MMP26: variants seen among roughly 807,000 people sequenced by gnomAD.
MMP26 encodes matrix metallopeptidase 26.
MMP26 carries 33 observed loss-of-function variants against 31.0 expected under a neutral mutation model. The observed-to-expected ratio is 1.06, with a 90% CI of 0.81 to 1.42. The LOEUF (loss-of-function observed/expected upper bound fraction) is 1.42, where lower values mean the gene tolerates loss of function less well. Ranked by LOEUF, MMP26 falls within the 40% of genes most tolerant of loss-of-function variation. MMP26 has a pLI of 0.00. For synonymous variants in MMP26, 122 were observed against 114.9 expected, an observed-to-expected ratio of 1.06 and a Z score of -0.40; for missense variants, 347 against 316.1, an observed-to-expected ratio of 1.10 and a Z score of -0.74.
At chr11:4,718,409 T>C (rs1482662433) in intron 1 of MMP26, among the ~76,000 whole-genome samples, 1 of 152,230 alleles carries the variant, frequency 6.6e-6, no homozygotes, top group Non-Finnish European at 1.5e-5. Context: ...GAACCATTCA[T>C]TTCCTGTTTT....
intron 1 of MMP26, chr11:4,723,068 C>T: frequency 8.2e-7 from 1 of 1,216,860 alleles, no homozygotes; most frequent in Non-Finnish European, 1.2e-6. Flanking sequence ...CTCCTGGTAC[C>T]CATGCAGCTG....
intron 1 of MMP26, among the ~76,000 whole-genome samples, chr11:4,741,587 G>T (rs1160923133): frequency 7.1e-6 from 1 of 141,214 alleles, no homozygotes; most frequent in Admixed American, 7.2e-5. Flanking sequence ...TCATAAGTGG[G>T]AGTTGAACAA....
chr11:4,829,589 TG>T (rs2133479308), intron 2 of MMP26, among the ~76,000 whole-genome samples: 1 of 152,320 alleles, frequency 6.6e-6, no homozygotes, highest in Non-Finnish European at 1.5e-5. Flanking sequence ...TTAAGCATGC[TG>T]TGACCCTGGG....
At chr11:4,714,286 C>T (rs934308985) in intron 1 of MMP26, among the ~76,000 whole-genome samples, 2 of 152,134 alleles carry the variant, frequency 1.3e-5, no homozygotes, top group African/African-American at 4.8e-5. Flanking sequence ...TTTCTAGGAA[C>T]ATTCTATTCT....
intron 2 of MMP26, among the ~76,000 whole-genome samples, chr11:4,905,994 C>G (rs61880581): frequency 6.6e-6 from 1 of 151,932 alleles, no homozygotes; most frequent in Non-Finnish European, 1.5e-5. Flanking sequence ...ATTTATTTGA[C>G]TAATTTCTCT....
intron 2 of MMP26, among the ~76,000 whole-genome samples, chr11:4,817,630 A>G (rs1849439301): frequency 6.6e-6 from 1 of 152,188 alleles, no homozygotes; most frequent in Admixed American, 6.5e-5. Context: ...ACTTTTTCAT[A>G]TTTTGGGGGA....
At position 4,992,018 on chromosome 11, in the gene MMP26, A is replaced by T; in HGVS notation, c.650A>T (p.Gln217Leu). 1 of 1,613,756 alleles carries T rather than the reference A, an allele frequency of 6.2e-7. No individual in the cohort carries two copies. Among genetic ancestry groups the T allele is most frequent in the Non-Finnish European group, 8.5e-7 (1 of 1,179,956 alleles). ...THEIGHSLGLQHSGNQSSIMY... is the reference protein window; with the variant it reads ...THEIGHSLGLLHSGNQSSIMY... Reference sequence around the variant, plus strand: ...GAGATTGGGCATTCTTTGGGCCTGCAGCACTCTGGGAATCAGAGCTCCATA... The same window carrying T: ...GAGATTGGGCATTCTTTGGGCCTGCTGCACTCTGGGAATCAGAGCTCCATA... Residue 217 changes from glutamine to leucine, a missense_variant, in exon 7 of 8, where the codon CAG becomes CTG. Transcript: ENST00000380390.
intron 1 of MMP26, among the ~76,000 whole-genome samples, chr11:4,750,152 A>G (rs992625527): frequency 6.6e-6 from 1 of 152,144 alleles, no homozygotes; most frequent in African/African-American, 2.4e-5. Flanking sequence ...TAAAGAAGAC[A>G]TACAAATGGC....
At chr11:4,962,833 G>A (rs570951223) in intron 2 of MMP26, among the ~76,000 whole-genome samples, 1 of 152,134 alleles carries the variant, frequency 6.6e-6, no homozygotes, top group East Asian at 1.9e-4. Context: ...CTTCTGGGTT[G>A]AGCTGGTGCA....
intron 3 of MMP26, among the ~76,000 whole-genome samples, chr11:4,988,554 G>T (rs573013633): frequency 3.3e-5 from 5 of 152,114 alleles, no homozygotes; most frequent in African/African-American, 1.2e-4. Context: ...GCCTAATTCA[G>T]CCCCATTGCT....
intron 2 of MMP26, among the ~76,000 whole-genome samples, chr11:4,905,521 C>T (rs1850872010): frequency 6.6e-6 from 1 of 152,110 alleles, no homozygotes; most frequent in Admixed American, 6.6e-5. Context: ...CCTGTGTTTT[C>T]CACTGAAGGT....
chr11:4,914,933 T>A, intron 2 of MMP26: 2 of 1,614,030 alleles, frequency 1.2e-6, no homozygotes, highest in South Asian at 1.1e-5. Flanking sequence ...AACACAGGTG[T>A]TAAGGGCCTT....
chr11:4,922,883 C>G (rs1389620725), intron 2 of MMP26, among the ~76,000 whole-genome samples: 2 of 151,824 alleles, frequency 1.3e-5, no homozygotes, highest in Non-Finnish European at 2.9e-5. Context: ...AAAATCATTG[C>G]CTGGGGTGTG....
intron 2 of MMP26, chr11:4,822,000 C>A (rs763872771): frequency 5.0e-6 from 8 of 1,614,084 alleles, no homozygotes; most frequent in South Asian, 2.2e-5. Context: ...CCTGCACAGA[C>A]AATAGGATCA....
At position 4,825,284 on chromosome 11, in the gene MMP26, AT is replaced by A. The variant is rs1849564587; in HGVS notation, c.-145+57947del. Among the ~76,000 whole-genome samples, 3 of 152,250 alleles carry A rather than the reference AT, an allele frequency of 2.0e-5. No homozygotes were observed. In the South Asian group the frequency reaches 6.2e-4, roughly 32 times the overall value. On this transcript the variant is annotated intron_variant, in intron 2 of 7. Transcript: ENST00000380390. ...ACATTCCAGGAATGAGGATCTCATC[AT>A]TTTCCCATTACTGTATTTCTAGTCT... is the stretch of plus-strand genomic sequence containing the variant.
intron 2 of MMP26, among the ~76,000 whole-genome samples, chr11:4,933,659 G>A (rs955558616): frequency 6.6e-6 from 1 of 151,014 alleles, no homozygotes; most frequent in African/African-American, 2.4e-5. Flanking sequence ...TGCCGTGCTG[G>A]TGCGCTGCAC....
intron 2 of MMP26, chr11:4,769,908 G>T: frequency 6.3e-7 from 1 of 1,588,156 alleles, no homozygotes; most frequent in Non-Finnish European, 8.6e-7. Context: ...GAGTTGCTTA[G>T]GATTTCCATG....
In MMP26 at chr11:4,966,991, C is replaced by G. The variant is rs1846604362; in HGVS notation, c.-144-21077C>G. On this transcript the variant is annotated intron_variant, in intron 2 of 7. Coordinates refer to ENST00000380390, the MANE Select transcript of MMP26 (RefSeq NM_021801.5). Reference sequence around the variant, plus strand: ...GGTTTTGTTTGCATTTGCAAGGCCTCTAGTGATAGTGTCAGGTGATTTGGT... The same window carrying G: ...GGTTTTGTTTGCATTTGCAAGGCCTGTAGTGATAGTGTCAGGTGATTTGGT... Among the ~76,000 whole-genome samples the G allele has an allele frequency of 3.3e-5, 5 of 152,122 alleles. No homozygotes were observed. The South Asian group carries it at 1.0e-3, about 32-fold the overall frequency.
chr11:4,936,273 C>T (rs978126981), intron 2 of MMP26, among the ~76,000 whole-genome samples: 18 of 150,836 alleles, frequency 1.2e-4, no homozygotes, highest in Non-Finnish European at 1.8e-4. Context: ...TTGATCTATT[C>T]AGAGATTCAA....
Sources: gnomAD v4.1 joint callset for allele counts (sites outside exome capture counted in the v4.1 genomes callset) on GRCh38, gnomAD v4.1.1 for gene constraint, MANE v1.5 for transcripts, NCBI Gene and HGNC (gene_info 2026-07-23, HGNC 2026-07-21) for gene names.